SMIM8: variants seen among roughly 807,000 people sequenced by gnomAD.
SMIM8 encodes the protein small integral membrane protein 8.
In SMIM8, 8 loss-of-function variants were observed where a neutral mutation model predicts 8.1. The ratio of observed to expected loss-of-function variants is 0.99; its 90% CI spans 0.58 to 1.78. The LOEUF is 1.78. Ranked by LOEUF, SMIM8 falls within the 40% of genes most tolerant of loss-of-function variation. SMIM8 has a pLI of 0.00. For synonymous variants in SMIM8, 45 were observed against 39.7 expected (o/e 1.13, Z -0.50); for missense variants, 126 against 119.8 (o/e 1.05, Z -0.24).
intron 2 of SMIM8, among the ~76,000 whole-genome samples, chr6:87,334,573 G>C (rs904721960): frequency 6.6e-6 from 1 of 152,020 alleles, no homozygotes; most frequent in African/African-American, 2.4e-5. Flanking sequence ...CAAAATAGTG[G>C]GATTACAGGT....
chr6:87,340,222 T>C lies in SMIM8; in HGVS notation c.242T>C (p.Ile81Thr). Reference sequence around the variant, plus strand: ...AATAAAAAGGACCTCTATGAAGCTATTGATAGTGAGGGGCACAGTTATATG... The same window carrying C: ...AATAAAAAGGACCTCTATGAAGCTACTGATAGTGAGGGGCACAGTTATATG... ...QENKKDLYEAIDSEGHSYMRR... is the reference protein window; with the variant it reads ...QENKKDLYEATDSEGHSYMRR... Residue 81 changes from isoleucine to threonine, a missense_variant, in exon 4 of 4, where the codon ATT becomes ACT. Physicochemically the swap from Ile to Thr is moderately conservative, Grantham distance 89. Transcript: ENST00000392863. The C allele has an allele frequency of 3.1e-6, 5 of 1,611,814 alleles. No homozygotes were observed. The highest frequency in any genetic ancestry group is 4.2e-6 in the Non-Finnish European group (5 of 1,179,290).
chr6:87,340,993 A>C lies in SMIM8; in HGVS notation c.*719A>C, dbSNP rs1777220531. On this transcript the variant is annotated 3_prime_UTR_variant, in exon 4 of 4. Coordinates refer to ENST00000392863, the MANE Select transcript of SMIM8 (RefSeq NM_001042493.3). ...AGGTATGATGATTTTGACTACAACTAAATGTTATCTATTTTAGTGTTTATG... is the reference window on the plus strand; with the variant it reads ...AGGTATGATGATTTTGACTACAACTCAATGTTATCTATTTTAGTGTTTATG... 1.1e-5 allele frequency: 3 copies of C among 279,328 alleles called. No individual in the cohort carries two copies. In the East Asian group the frequency reaches 1.9e-4, roughly 17 times the overall value. The allele number at this position is 279,328 out of a possible 1,614,324, so 17.3% of individuals were successfully genotyped here. A position where few individuals can be genotyped will look rare whatever the true frequency, so the allele number is the denominator to read the frequency against.
intron 1 of SMIM8, among the ~76,000 whole-genome samples, chr6:87,325,500 C>T (rs1424497270): frequency 2.2e-5 from 2 of 89,744 alleles, no homozygotes; most frequent in Non-Finnish European, 4.8e-5. Flanking sequence ...TTGTCAAAGG[C>T]CTGTCTGCAT....
intron 1 of SMIM8, among the ~76,000 whole-genome samples, chr6:87,324,647 GTAC>G: frequency 8.3e-6 from 1 of 120,992 alleles, no homozygotes; most frequent in Non-Finnish European, 2.0e-5. Flanking sequence ...TTTGGTACCA[GTAC>G]CATGCTGTTT....
chr6:87,323,296 T>A (rs557453923), intron 1 of SMIM8, among the ~76,000 whole-genome samples: 3 of 152,228 alleles, frequency 2.0e-5, no homozygotes, highest in Non-Finnish European at 2.9e-5. Context: ...GTTATTATTA[T>A]AAGTTTTAGG....
chr6:87,332,411 C>T (rs1777015658), intron 2 of SMIM8, among the ~76,000 whole-genome samples: 1 of 148,954 alleles, frequency 6.7e-6, no homozygotes, highest in African/African-American at 2.5e-5. Context: ...CACTCCACAC[C>T]TGAAGTCCAA....
chr6:87,325,249 A>C (rs1431247578), intron 1 of SMIM8, among the ~76,000 whole-genome samples: 2 of 150,526 alleles, frequency 1.3e-5, no homozygotes, highest in Non-Finnish European at 2.9e-5. Context: ...CTAATTGAAT[A>C]CCCTTTATTT....
At position 87,340,439 on chromosome 6, in the gene SMIM8, C is replaced by A; in HGVS notation, c.*165C>A. On this transcript the variant is annotated 3_prime_UTR_variant, in exon 4 of 4. Coordinates refer to ENST00000392863, the MANE Select transcript of SMIM8 (RefSeq NM_001042493.3). ...TGTCGTAAATTTTGTCCTTTCACAG[C>A]TGCAGCCATTATCTCATTCTTTTTC... 1 of 515,170 alleles carries A rather than the reference C, an allele frequency of 1.9e-6. No homozygotes were observed. Among genetic ancestry groups the A allele is most frequent in the Non-Finnish European group, 3.0e-6 (1 of 333,906 alleles). The allele number at this position is 515,170 out of a possible 1,614,324, so 31.9% of individuals were successfully genotyped here.
chr6:87,337,292 A>G lies in SMIM8; in HGVS notation c.135+126A>G, dbSNP rs868236852. On this transcript the variant is annotated intron_variant, in intron 3 of 3. Transcript: ENST00000392863. ...TGACAAGTAAGACCTCTCTGTGAAT[A>G]AAAGCAGGTGGAAGGACGATTGTAA... The G allele has an allele frequency of 3.8e-6, 4 of 1,066,010 alleles. No homozygotes were observed. In the Middle Eastern group the frequency reaches 7.9e-4, roughly 210 times the overall value. The allele number at this position is 1,066,010 out of a possible 1,614,324, so 66.0% of individuals were successfully genotyped here. A position where few individuals can be genotyped will look rare whatever the true frequency, so the allele number is the denominator to read the frequency against.
At chr6:87,338,561 T>C (rs1777158632) in intron 3 of SMIM8, among the ~76,000 whole-genome samples, 1 of 152,248 alleles carries the variant, frequency 6.6e-6, no homozygotes, top group South Asian at 2.1e-4. Context: ...CTATTGGTTG[T>C]GTCAGTCCAG....
intron 2 of SMIM8, among the ~76,000 whole-genome samples, chr6:87,332,315 C>T (rs539868319): frequency 1.9e-4 from 20 of 107,592 alleles, no homozygotes; most frequent in African/African-American, 8.1e-4. Flanking sequence ...CCTCTCCTCC[C>T]CCCCCATATA....
chr6:87,334,945 G>C (rs1216587742), intron 2 of SMIM8, among the ~76,000 whole-genome samples: 1 of 152,182 alleles, frequency 6.6e-6, no homozygotes, highest in Non-Finnish European at 1.5e-5. Flanking sequence ...GATCATGTAG[G>C]GGTTGAGTTT....
intron 2 of SMIM8, among the ~76,000 whole-genome samples, chr6:87,332,645 G>A (rs531965560): frequency 1.3e-3 from 51 of 37,976 alleles, no homozygotes; most frequent in Non-Finnish European, 2.7e-3. Flanking sequence ...TCCACACAAA[G>A]TATATGTAAT....
At position 87,328,530 on chromosome 6, in the gene SMIM8, C is replaced by G. The variant is rs576259834; in HGVS notation, c.-44-2162C>G. Among the ~76,000 whole-genome samples, 18 of 151,774 alleles carry G rather than the reference C, an allele frequency of 1.2e-4. 1 individual carries two copies. The South Asian group carries it at 3.7e-3, about 31-fold the overall frequency. ...CCGGCCGTGTGAGGTATCAGTCTGC[C>G]CCTGCTGGAGGCTGCCTCCCAGTTA... On this transcript the variant is annotated intron_variant, in intron 1 of 3. Coordinates refer to ENST00000392863, the MANE Select transcript of SMIM8 (RefSeq NM_001042493.3).
At position 87,340,868 on chromosome 6, in the gene SMIM8, T is replaced by A; in HGVS notation, c.*594T>A. On this transcript the variant is annotated 3_prime_UTR_variant, in exon 4 of 4. Coordinates refer to ENST00000392863, the MANE Select transcript of SMIM8 (RefSeq NM_001042493.3). Reference sequence around the variant, plus strand: ...TTTTTGGGACAGAATTTTATTTTAATGGAAAAGATCCTTCCACTCAGCTAC... The same window carrying A: ...TTTTTGGGACAGAATTTTATTTTAAAGGAAAAGATCCTTCCACTCAGCTAC... 1 of 154,552 alleles carries A rather than the reference T, an allele frequency of 6.5e-6. No individual in the cohort carries two copies. The highest frequency in any genetic ancestry group is 3.2e-3 in the Middle Eastern group (1 of 316). The allele number at this position is 154,552 out of a possible 1,614,324, so 9.6% of individuals were successfully genotyped here.
chr6:87,328,826 C>T (rs1340847483), intron 1 of SMIM8, among the ~76,000 whole-genome samples: 1 of 152,240 alleles, frequency 6.6e-6, no homozygotes, highest in Non-Finnish European at 1.5e-5. Context: ...CAAGCCTGGG[C>T]AATGGCGGGC....
chr6:87,331,472 G>A (rs750624211), intron 2 of SMIM8, among the ~76,000 whole-genome samples: 1 of 152,088 alleles, frequency 6.6e-6, no homozygotes, highest in Non-Finnish European at 1.5e-5. Context: ...AATGACTAAG[G>A]TTTTGCATTC....
intron 1 of SMIM8, among the ~76,000 whole-genome samples, chr6:87,324,576 T>A (rs1238660332): frequency 1.3e-5 from 2 of 151,208 alleles, no homozygotes; most frequent in African/African-American, 2.4e-5. Context: ...GATCAGATAG[T>A]TGTAGATATG....
chr6:87,336,925 G>T lies in SMIM8; in HGVS notation c.-23-84G>T, dbSNP rs1382277021. 2.6e-6 allele frequency: 3 copies of T among 1,157,076 alleles called. No individual in the cohort carries two copies. The East Asian group carries it at 7.9e-5, about 30-fold the overall frequency. The allele number at this position is 1,157,076 out of a possible 1,614,324, so 71.7% of individuals were successfully genotyped here. A position where few individuals can be genotyped will look rare whatever the true frequency, so the allele number is the denominator to read the frequency against. On this transcript the variant is annotated intron_variant, in intron 2 of 3. Transcript: ENST00000392863. ...GTATGTATCTGGGTTGGAATTCAAA[G>T]AAGGAATTTAAGAATTACTTTTTAA...
Sources: gnomAD v4.1 joint callset for allele counts (sites outside exome capture counted in the v4.1 genomes callset) on GRCh38, gnomAD v4.1.1 for gene constraint, MANE v1.5 for transcripts, NCBI Gene and HGNC (gene_info 2026-07-23, HGNC 2026-07-21) for gene names.